The following DPP10 variants were observed in gnomAD, a reference collection of about 807,000 sequenced individuals.
DPP10 encodes inactive dipeptidyl peptidase 10.
A neutral mutation model predicts 120.9 loss-of-function variants in DPP10; 33 were observed. That is an observed-to-expected ratio of 0.27 (90% confidence interval 0.21 to 0.37). The LOEUF (loss-of-function observed/expected upper bound fraction) is 0.37, where lower values mean the gene tolerates loss of function less well. Ranked by LOEUF, DPP10 falls within the 10% of genes least tolerant of loss-of-function variation. The pLI is 1.00. For missense variants in DPP10, 816 were observed against 942.8 expected, an observed-to-expected ratio of 0.87 and a Z score of 1.76; for synonymous variants, 337 against 326.1, an observed-to-expected ratio of 1.03 and a Z score of -0.36.
intron 1 of DPP10, among the ~76,000 whole-genome samples, chr2:114,445,534 CTGTGTGTGTGTGTGTGTGTGTG>C (rs145248880): frequency 7.0e-6 from 1 of 143,520 alleles, no homozygotes; most frequent in African/African-American, 2.6e-5. Flanking sequence ...AAAAACAGCT[CTGTGTGTGTGTGTGTGTGTGTG>C]TGTGTGTGTG....
chr2:114,559,891 C>CAAAA (rs60833358), intron 1 of DPP10, among the ~76,000 whole-genome samples: 14 of 65,924 alleles, frequency 2.1e-4, no homozygotes, highest in East Asian at 1.5e-3. Flanking sequence ...AGAAAAAAAG[C>CAAAA]AAAAAAAAAA....
intron 3 of DPP10, among the ~76,000 whole-genome samples, chr2:115,425,478 G>A (rs2104721923): frequency 6.6e-6 from 1 of 152,162 alleles, no homozygotes; most frequent in Admixed American, 6.5e-5. Flanking sequence ...TAGTAACCTA[G>A]CCTTCAAAAT....
intron 5 of DPP10, among the ~76,000 whole-genome samples, chr2:115,646,135 C>T (rs2087235429): frequency 6.6e-6 from 1 of 152,110 alleles, no homozygotes; most frequent in South Asian, 2.1e-4. Flanking sequence ...CTTCTTTGCC[C>T]TCTTTGCCTC....
intron 1 of DPP10, among the ~76,000 whole-genome samples, chr2:115,296,262 G>A (rs573070259): frequency 3.3e-5 from 5 of 152,110 alleles, no homozygotes; most frequent in South Asian, 2.1e-4. Context: ...CCAGATGCTC[G>A]GCGGCCTCTA....
chr2:114,586,183 C>T (rs562026977), intron 1 of DPP10, among the ~76,000 whole-genome samples: 19 of 152,154 alleles, frequency 1.2e-4, no homozygotes, highest in Middle Eastern at 3.4e-3. Context: ...CTGGGGAGGT[C>T]GAGGCTCCAG....
intron 3 of DPP10, among the ~76,000 whole-genome samples, chr2:115,410,778 A>G (rs2068893188): frequency 6.6e-6 from 1 of 152,224 alleles, no homozygotes; most frequent in South Asian, 2.1e-4. Flanking sequence ...CAACTTATCC[A>G]TGTAACCAAA....
chr2:115,665,821 C>T (rs1433504774), intron 5 of DPP10, among the ~76,000 whole-genome samples: 2 of 152,026 alleles, frequency 1.3e-5, no homozygotes, highest in African/African-American at 4.8e-5. Flanking sequence ...GAATCTACTA[C>T]CAATCAGTGG....
intron 7 of DPP10, among the ~76,000 whole-genome samples, chr2:115,721,026 C>G (rs571832807): frequency 2.6e-5 from 4 of 152,076 alleles, no homozygotes; most frequent in Non-Finnish European, 5.9e-5. Flanking sequence ...GATATGCAAC[C>G]AGTGCTAAAA....
intron 1 of DPP10, among the ~76,000 whole-genome samples, chr2:114,877,224 C>T (rs939564731): frequency 1.3e-5 from 2 of 151,908 alleles, no homozygotes; most frequent in African/African-American, 4.8e-5. Flanking sequence ...TGTGCATATT[C>T]TAAATTCACT....
intron 5 of DPP10, among the ~76,000 whole-genome samples, chr2:115,623,106 A>C (rs2085094056): frequency 6.6e-6 from 1 of 152,018 alleles, no homozygotes; most frequent in African/African-American, 2.4e-5. Context: ...CGGCCTCCCA[A>C]AGTGCTGGGA....
intron 1 of DPP10, among the ~76,000 whole-genome samples, chr2:114,510,280 G>A (rs1684019589): frequency 6.6e-6 from 1 of 152,178 alleles, no homozygotes; most frequent in Non-Finnish European, 1.5e-5. Context: ...CAGAAACTGA[G>A]GATTGTTACA....
At chr2:115,771,954 T>C (rs1681523138) in intron 13 of DPP10, among the ~76,000 whole-genome samples, 1 of 152,154 alleles carries the variant, frequency 6.6e-6, no homozygotes, top group Non-Finnish European at 1.5e-5. Context: ...TCAAGCTATT[T>C]TCATTATGGA....
intron 4 of DPP10, among the ~76,000 whole-genome samples, chr2:115,506,714 GT>G (rs1348528786): frequency 6.6e-6 from 1 of 151,908 alleles, no homozygotes; most frequent in Non-Finnish European, 1.5e-5. Context: ...AGATATCTAT[GT>G]ATAGATCTAT....
intron 5 of DPP10, among the ~76,000 whole-genome samples, chr2:115,660,514 T>A (rs1297532423): frequency 6.6e-6 from 1 of 152,140 alleles, no homozygotes; most frequent in South Asian, 2.1e-4. Flanking sequence ...AAATTCAGAT[T>A]GCTTATTTCA....
At chr2:114,499,102 G>A (rs58790802) in intron 1 of DPP10, among the ~76,000 whole-genome samples, 4,776 of 152,192 alleles carry the variant, frequency 0.031, 253 homozygotes, top group African/African-American at 0.11. Context: ...ACAAACTGAC[G>A]CGTCCATGGT....
chr2:115,135,479 A>G (rs534370796), intron 1 of DPP10, among the ~76,000 whole-genome samples: 7 of 152,298 alleles, frequency 4.6e-5, no homozygotes, highest in Non-Finnish European at 8.8e-5. Context: ...AAGGTCAGCG[A>G]AAAACAGAGA....
chr2:114,872,447 G>A (rs1265355503), intron 1 of DPP10, among the ~76,000 whole-genome samples: 1 of 152,144 alleles, frequency 6.6e-6, no homozygotes, highest in Non-Finnish European at 1.5e-5. Context: ...AAGATGAGAT[G>A]TGGGTGGGAA....
intron 1 of DPP10, among the ~76,000 whole-genome samples, chr2:114,592,772 A>G (rs1691569077): frequency 6.6e-6 from 1 of 152,208 alleles, no homozygotes; most frequent in Admixed American, 6.5e-5. Context: ...TCTAATGAGT[A>G]TATCAAATTG....
intron 3 of DPP10, among the ~76,000 whole-genome samples, chr2:115,374,613 T>G (rs2065650956): frequency 6.6e-6 from 1 of 152,206 alleles, no homozygotes; most frequent in South Asian, 2.1e-4. Context: ...AGGTTTTCCA[T>G]GAGGGCTCCG....
Sources: allele counts gnomAD v4.1 joint callset (sites outside exome capture counted in the v4.1 genomes callset), GRCh38; gene constraint gnomAD v4.1.1; transcripts MANE v1.5; gene names NCBI Gene and HGNC (gene_info 2026-07-23, HGNC 2026-07-21).